The following TACR1 variants were observed in gnomAD, a reference collection of about 807,000 sequenced individuals.
The protein encoded by TACR1 is tachykinin receptor 1.
In TACR1, 25 loss-of-function variants were observed where a neutral mutation model predicts 35.8. The ratio of observed to expected loss-of-function variants is 0.70; its 90% CI spans 0.51 to 0.98. The LOEUF (loss-of-function observed/expected upper bound fraction) is 0.98, where lower values mean the gene tolerates loss of function less well. Among genes scored for constraint, TACR1 ranks in the 50% least tolerant of loss-of-function variants. The probability of loss-of-function intolerance (pLI) is 0.00; values close to 1 mark genes in which losing one functional copy is unlikely to be tolerated. For synonymous variants in TACR1, 195 were observed against 206.7 expected, an observed-to-expected ratio of 0.94 and a Z score of 0.48; for missense variants, 478 against 522.9, an observed-to-expected ratio of 0.91 and a Z score of 0.84.
Position 75,094,859 on chromosome 2 carries a change from A to ATATATATATATATATATTT in TACR1, c.584+25714_584+25715insAAATATATATATATATATA. On this transcript the variant is annotated intron_variant, in intron 2 of 4. Transcript: ENST00000305249. ...GAAACATATATATATATATATATAT[A>ATATATATATATATATATTT]TTTTTTTTTTTTTTGCCCAAGATGG... Among the ~76,000 whole-genome samples, 110 of 113,062 alleles carry ATATATATATATATATATTT rather than the reference A, an allele frequency of 9.7e-4. 1 individual carries two copies. Among genetic ancestry groups the ATATATATATATATATATTT allele is most frequent in the African/African-American group, 4.7e-3 (97 of 20,824 alleles). The allele number at this position is 113,062 out of a possible 152,430, so 74.2% of individuals were successfully genotyped here.
At position 75,053,647 on chromosome 2, in the gene TACR1, G is replaced by T; in HGVS notation, c.693C>A (p.Asp231Glu). ...CTTGCTCGTGGTAGCGGTCAGAGGA[G>T]TCCCCGGGGATCTCACTGGCCCATA... ...ITLWASEIPG[D>E]SSDRYHEQVS... The change falls in exon 3 of 5, where the codon GAC (aspartate) becomes GAA (glutamate). Residue 231 changes from aspartate (D) to glutamate (E), a missense_variant. Asp to Glu is a conservative substitution (Grantham distance 45). Transcript: ENST00000305249. The T allele has an allele frequency of 1.9e-6, 3 of 1,599,568 alleles. No homozygotes were observed. Among genetic ancestry groups the T allele is most frequent in the South Asian group, 1.1e-5 (1 of 88,340 alleles).
chr2:75,108,711 A>G (rs1291167340), intron 2 of TACR1, among the ~76,000 whole-genome samples: 1 of 151,340 alleles, frequency 6.6e-6, no homozygotes, highest in Non-Finnish European at 1.5e-5. Flanking sequence ...TATAGATGAT[A>G]TGATTGTATT....
At chr2:75,078,279 G>A (rs561442286) in intron 2 of TACR1, among the ~76,000 whole-genome samples, 6 of 149,044 alleles carry the variant, frequency 4.0e-5, no homozygotes, top group Non-Finnish European at 7.4e-5. Context: ...TTGGAGTTTT[G>A]CATGTTTTTT....
At chr2:75,174,045 C>G (rs2104024766) in intron 1 of TACR1, among the ~76,000 whole-genome samples, 1 of 152,290 alleles carries the variant, frequency 6.6e-6, no homozygotes, top group South Asian at 2.1e-4. Context: ...ACTCTCCTGC[C>G]TCACTCCCAA....
rs113467876 is a variant in TACR1 at position 75,100,438 on chromosome 2, ACT to A, written c.584+20134_584+20135del. Among the ~76,000 whole-genome samples the A allele has an allele frequency of 9.6e-3, 1,454 of 152,226 alleles. 29 individuals carry two copies. The highest frequency in any genetic ancestry group is 0.033 in the African/African-American group (1,389 of 41,530). ...GATTTGGAATTCTTTTTTCCAACAA[ACT>A]CTGCCTACTGATTTGCTTCCCTCAT... On this transcript the variant is annotated intron_variant, in intron 2 of 4. Transcript: ENST00000305249.
intron 1 of TACR1, among the ~76,000 whole-genome samples, chr2:75,138,938 T>G (rs1014062778): frequency 6.6e-6 from 1 of 152,160 alleles, no homozygotes; most frequent in Non-Finnish European, 1.5e-5. Flanking sequence ...CCTGTGCAAT[T>G]ACAACTGTGG....
intron 2 of TACR1, among the ~76,000 whole-genome samples, chr2:75,106,516 C>G (rs888616280): frequency 4.6e-5 from 7 of 151,954 alleles, no homozygotes; most frequent in African/African-American, 1.4e-4. Context: ...TTTGAGAATG[C>G]TGACATATAT....
chr2:75,189,452 G>A (rs955238392), intron 1 of TACR1: 3 of 152,222 alleles, frequency 2.0e-5, no homozygotes, highest in Non-Finnish European at 4.4e-5. Context: ...TGCATGTGTA[G>A]TAGTGAGTTT....
chr2:75,106,817 A>G (rs1673654164), intron 2 of TACR1, among the ~76,000 whole-genome samples: 1 of 151,894 alleles, frequency 6.6e-6, no homozygotes, highest in Admixed American at 6.6e-5. Flanking sequence ...TAGTCAACAA[A>G]CCATCTATAA....
intron 2 of TACR1, among the ~76,000 whole-genome samples, chr2:75,104,387 A>G (rs1261546482): frequency 6.6e-6 from 1 of 152,092 alleles, no homozygotes; most frequent in East Asian, 1.9e-4. Flanking sequence ...ATATAAAACA[A>G]ATATTAATTT....
At chr2:75,051,182 G>A in intron 4 of TACR1, 69 bp downstream of exon 4, 1 of 1,603,116 alleles carries the variant, frequency 6.2e-7, no homozygotes, top group Non-Finnish European at 8.5e-7. Context: ...ATTTAGGATG[G>A]CCGCTTGGCC....
chr2:75,097,939 T>G (rs1168153755), intron 2 of TACR1, among the ~76,000 whole-genome samples: 1 of 152,192 alleles, frequency 6.6e-6, no homozygotes, highest in East Asian at 1.9e-4. Context: ...TGTCAATACT[T>G]GGGTTATAGC....
intron 1 of TACR1, among the ~76,000 whole-genome samples, chr2:75,193,367 T>G (rs1456973896): frequency 1.3e-5 from 2 of 152,244 alleles, no homozygotes; most frequent in African/African-American, 2.4e-5. Flanking sequence ...TCTAATTTTA[T>G]TTCCTCTTAC....
At chr2:75,170,587 G>A (rs1675253500) in intron 1 of TACR1, among the ~76,000 whole-genome samples, 1 of 152,148 alleles carries the variant, frequency 6.6e-6, no homozygotes, top group African/African-American at 2.4e-5. Flanking sequence ...GGAAGATGTG[G>A]GAAAGTTTGG....
intron 1 of TACR1, among the ~76,000 whole-genome samples, chr2:75,150,402 G>T (rs1420081994): frequency 6.6e-6 from 1 of 152,170 alleles, no homozygotes; most frequent in Non-Finnish European, 1.5e-5. Context: ...CCAGGGGGAG[G>T]TAATTGAATC....
chr2:75,196,707 T>C (rs899594633), intron 1 of TACR1, among the ~76,000 whole-genome samples: 2 of 152,156 alleles, frequency 1.3e-5, no homozygotes, highest in African/African-American at 4.8e-5. Context: ...CTGCAGAACA[T>C]GTTTCTGTGT....
intron 1 of TACR1, among the ~76,000 whole-genome samples, chr2:75,126,336 G>A (rs560432674): frequency 7.9e-5 from 12 of 152,196 alleles, no homozygotes; most frequent in African/African-American, 2.9e-4. Flanking sequence ...GTCATTGATG[G>A]GCATTTAGGC....
intron 1 of TACR1, among the ~76,000 whole-genome samples, chr2:75,147,400 A>G (rs1237107042): frequency 6.6e-6 from 1 of 152,182 alleles, no homozygotes; most frequent in Non-Finnish European, 1.5e-5. Flanking sequence ...CCATCCCTAT[A>G]AAGTGTATTT....
At chr2:75,146,885 G>C (rs1216399629) in intron 1 of TACR1, among the ~76,000 whole-genome samples, 1 of 152,188 alleles carries the variant, frequency 6.6e-6, no homozygotes, top group Non-Finnish European at 1.5e-5. Flanking sequence ...TGATGGCACT[G>C]AAATAATGGC....
Sources: allele counts gnomAD v4.1 joint callset (sites outside exome capture counted in the v4.1 genomes callset), GRCh38; gene constraint gnomAD v4.1.1; transcripts MANE v1.5; gene names NCBI Gene and HGNC (gene_info 2026-07-23, HGNC 2026-07-21).